Variants in MOCOS observed in about 807,000 individuals in gnomAD.
MOCOS encodes human molybdenum cofactor sulfurase.
In MOCOS, 86 loss-of-function variants were observed where a neutral mutation model predicts 83.6. That is an observed-to-expected ratio of 1.03 (90% CI 0.86 to 1.23). The LOEUF is 1.23. MOCOS is among the 50% of genes most tolerant of loss of function. The pLI is 0.00. For synonymous variants in MOCOS, 445 were observed against 434.7 expected, an observed-to-expected ratio of 1.02 and a Z score of -0.29; for missense variants, 1,120 against 1,126.9, an observed-to-expected ratio of 0.99 and a Z score of 0.09.
At chr18:36,196,067 G>A (rs980473757) in intron 2 of MOCOS, among the ~76,000 whole-genome samples, 1 of 152,158 alleles carries the variant, frequency 6.6e-6, no homozygotes, top group African/African-American at 2.4e-5. Context: ...CCAGGAACAC[G>A]GAAGGGAGAA....
chr18:36,250,582 T>C (rs1303141241), intron 10 of MOCOS, among the ~76,000 whole-genome samples: 1 of 152,202 alleles, frequency 6.6e-6, no homozygotes, highest in Non-Finnish European at 1.5e-5. Flanking sequence ...TTCTTACCAG[T>C]ACTTGCACCA....
intron 2 of MOCOS, among the ~76,000 whole-genome samples, chr18:36,195,847 A>G (rs917607907): frequency 2.0e-5 from 3 of 152,244 alleles, no homozygotes; most frequent in African/African-American, 7.2e-5. Context: ...CAACTGTGTG[A>G]AGGACTATGG....
intron 11 of MOCOS, 143 bp from the exon 12 acceptor site, chr18:36,256,825 A>G (rs1009382577): frequency 7.9e-6 from 6 of 759,562 alleles, no homozygotes; most frequent in Non-Finnish European, 1.4e-5. Context: ...CATGCTTAGG[A>G]CATTTTTATT....
At chr18:36,245,166 T>C (rs190028848) in intron 9 of MOCOS, among the ~76,000 whole-genome samples, 3 of 152,256 alleles carry the variant, frequency 2.0e-5, no homozygotes, top group African/African-American at 4.8e-5. Flanking sequence ...CTATTCATCA[T>C]GCTAGTTGTT....
At chr18:36,232,263 C>T (rs906903654) in intron 9 of MOCOS, among the ~76,000 whole-genome samples, 1 of 152,178 alleles carries the variant, frequency 6.6e-6, no homozygotes, top group Non-Finnish European at 1.5e-5. Context: ...GTATGAGCCA[C>T]CATGCCTGAC....
Position 36,187,544 on chromosome 18 carries a change from C to T in MOCOS, c.5C>T (p.Ala2Val), listed in dbSNP as rs751964724. The change falls in exon 1 of 15, where the codon GCC becomes GTC. Residue 2 changes from alanine (A) to valine (V), a missense_variant. Ala to Val is a moderately conservative substitution (Grantham distance 64, BLOSUM62 0). Transcript: ENST00000261326. ...CTGGATGGACTAGCCGGGGCCATGG[C>T]CGGCGCGGCGGCGGAGTCAGGGCGG... is the stretch of plus-strand genomic sequence containing the variant. M[A>V]GAAAESGREL... The T allele has an allele frequency of 1.6e-6, 2 of 1,237,092 alleles. No homozygotes were observed. Among genetic ancestry groups the T allele is most frequent in the East Asian group, 3.1e-5 (1 of 31,846 alleles). 76.6% of individuals were successfully genotyped at this position (1,237,092 alleles called of 1,614,324 possible).
At chr18:36,266,059 T>C (rs1039734484) in intron 13 of MOCOS, among the ~76,000 whole-genome samples, 3 of 152,198 alleles carry the variant, frequency 2.0e-5, no homozygotes, top group Non-Finnish European at 4.4e-5. Context: ...TTTTTAGATG[T>C]GAAGTTGCTG....
Position 36,269,476 on chromosome 18 carries a change from C to T in MOCOS, c.*791C>T, listed in dbSNP as rs2091692510. ...GGGAGGAACTTTGGCATTCAGGAAT[C>T]CTGTCTGTATCATCTTTGACCACTG... On this transcript the variant is annotated 3_prime_UTR_variant, in exon 15 of 15. Coordinates refer to ENST00000261326, the MANE Select transcript of MOCOS (RefSeq NM_017947.4). The T allele has an allele frequency of 1.3e-5, 2 of 152,296 alleles. No individual in the cohort carries two copies. 9.4% of individuals were successfully genotyped at this position (152,296 alleles called of 1,614,324 possible).
intron 8 of MOCOS, among the ~76,000 whole-genome samples, chr18:36,218,864 T>TA (rs1200537093): frequency 6.7e-6 from 1 of 148,644 alleles, no homozygotes; most frequent in African/African-American, 2.5e-5. Flanking sequence ...TTTATTTATT[T>TA]ATTTATTTAT....
Position 36,257,061 on chromosome 18 carries a change from A to G in MOCOS, c.2258A>G (p.Gln753Arg), listed in dbSNP as rs2091644487. Reference sequence around the variant, plus strand: ...TCCAGTATTTTGGAACTTCACCGGCAACTAAACACCAGGTAAGACCTCATA... The same window carrying G: ...TCCAGTATTTTGGAACTTCACCGGCGACTAAACACCAGGTAAGACCTCATA... ...NTSSILELHR[Q>R]LNTSDENGKE... The change falls in exon 12 of 15, where the codon CAA becomes CGA. Residue 753 changes from glutamine (Q) to arginine (R), a missense_variant. Transcript: ENST00000261326. 1 of 1,613,664 alleles carries G rather than the reference A, an allele frequency of 6.2e-7. No homozygotes were observed. Among genetic ancestry groups the G allele is most frequent in the Non-Finnish European group, 8.5e-7 (1 of 1,179,570 alleles).
rs570160565 is a variant in MOCOS at position 36,239,541 on chromosome 18, G to T, written c.1961-9381G>T. Among the ~76,000 whole-genome samples, 3 of 150,568 alleles carry T rather than the reference G, an allele frequency of 2.0e-5. No homozygotes were observed. In the East Asian group the frequency reaches 5.9e-4, roughly 29 times the overall value. On this transcript the variant is annotated intron_variant, in intron 9 of 14. Transcript: ENST00000261326. ...ATGGGCTTCCCTTTGAGGGTAACCCGACCTTTCTCTCTGGCTGCCCTTAAA... is the reference window on the plus strand; with the variant it reads ...ATGGGCTTCCCTTTGAGGGTAACCCTACCTTTCTCTCTGGCTGCCCTTAAA...
At position 36,220,106 on chromosome 18, in the gene MOCOS, A is replaced by G. The variant is rs746750840; in HGVS notation, c.1849A>G (p.Met617Val). The change falls in exon 9 of 15, where the codon ATG becomes GTG. Residue 617 changes from methionine (M) to valine (V), a missense_variant. Coordinates refer to ENST00000261326, the MANE Select transcript of MOCOS (RefSeq NM_017947.4). ...AGGGCTGCTATATGACCGGAGCTGG[A>G]TGGTTGTGAATCACAATGGTGTTTG... Reference protein sequence around the residue: ...NQGLLYDRSWMVVNHNGVCLS... With the variant: ...NQGLLYDRSWVVVNHNGVCLS... 1.5e-5 allele frequency: 24 copies of G among 1,613,816 alleles called. No individual in the cohort carries two copies. The African/African-American group carries it at 2.3e-4, about 15-fold the overall frequency.
chr18:36,206,914 T>C (rs2091437017), intron 6 of MOCOS, among the ~76,000 whole-genome samples: 1 of 152,206 alleles, frequency 6.6e-6, no homozygotes, highest in Non-Finnish European at 1.5e-5. Context: ...TCCATGTCCT[T>C]GCTGTTGAGA....
chr18:36,253,669 A>G (rs976159721), intron 11 of MOCOS, among the ~76,000 whole-genome samples: 1 of 151,944 alleles, frequency 6.6e-6, no homozygotes, highest in Non-Finnish European at 1.5e-5. Flanking sequence ...TGTCTCAAAA[A>G]AAAAAAAAAG....
chr18:36,213,494 G>A lies in MOCOS; in HGVS notation c.1335+12G>A, dbSNP rs1408938149. On this transcript the variant is annotated intron_variant, in intron 7 of 14. Transcript: ENST00000261326. ...GGAAGCATTTTCAGGTTGGTACAGG[G>A]CTCTGCGATCCAGACGCTGGTCAGC... 1 of 1,605,974 alleles carries A rather than the reference G, an allele frequency of 6.2e-7. No individual in the cohort carries two copies. The highest frequency in any genetic ancestry group is 1.1e-5 in the South Asian group (1 of 90,866).
chr18:36,236,234 A>C (rs1239312174), intron 9 of MOCOS, among the ~76,000 whole-genome samples: 4 of 75,068 alleles, frequency 5.3e-5, no homozygotes, highest in Admixed American at 5.3e-4. Context: ...GGTAATGCCT[A>C]GGTTTTCTTC....
chr18:36,198,303 C>A (rs942233229), intron 2 of MOCOS, among the ~76,000 whole-genome samples: 1 of 152,016 alleles, frequency 6.6e-6, no homozygotes, highest in Non-Finnish European at 1.5e-5. Flanking sequence ...ATGGGAGGAT[C>A]GCTTGAGCCC....
intron 9 of MOCOS, among the ~76,000 whole-genome samples, chr18:36,227,698 T>A (rs531095406): frequency 1.1e-4 from 17 of 152,294 alleles, no homozygotes; most frequent in African/African-American, 3.8e-4. Flanking sequence ...GCCTGGCCCA[T>A]GCCCAACTAA....
intron 8 of MOCOS, among the ~76,000 whole-genome samples, chr18:36,219,257 G>A (rs972562477): frequency 1.3e-5 from 2 of 151,782 alleles, no homozygotes; most frequent in Middle Eastern, 3.4e-3. Context: ...ACATGATCTC[G>A]GCTCACTGCA....
Sources: gnomAD v4.1 joint callset for allele counts (sites outside exome capture counted in the v4.1 genomes callset) on GRCh38, gnomAD v4.1.1 for gene constraint, MANE v1.5 for transcripts, NCBI Gene and HGNC (gene_info 2026-07-23, HGNC 2026-07-21) for gene names.